GUCY1A2: variants seen among roughly 807,000 people sequenced by gnomAD.
The protein encoded by GUCY1A2 is guanylate cyclase 1 soluble subunit alpha 2.
GUCY1A2 carries 27 observed loss-of-function variants against 63.5 expected under a neutral mutation model. The observed-to-expected ratio is 0.43, with a 90% confidence interval of 0.31 to 0.59. The LOEUF (loss-of-function observed/expected upper bound fraction) is 0.59, where lower values mean the gene tolerates loss of function less well. GUCY1A2 is among the 20% of genes least tolerant of loss of function. GUCY1A2 has a pLI of 0.11. For synonymous variants in GUCY1A2, 364 were observed against 343.5 expected (o/e 1.06, Z -0.66); for missense variants, 768 against 913.3 (o/e 0.84, Z 2.05).
intron 4 of GUCY1A2, among the ~76,000 whole-genome samples, chr11:106,862,655 C>A (rs562192255): frequency 6.6e-6 from 1 of 151,924 alleles, no homozygotes; most frequent in South Asian, 2.1e-4. Context: ...TATACTGAAC[C>A]GTTTTTGCTA....
chr11:106,959,854 T>A lies in GUCY1A2; in HGVS notation c.487+18765A>T, dbSNP rs142150016. ...ATGTACTTACTACCTTTCATGAGAA[T>A]GACCCAAAAGGCAGAGCTGAGAACC... On this transcript the variant is annotated intron_variant, in intron 3 of 7. Transcript: ENST00000526355. Among the ~76,000 whole-genome samples the A allele has an allele frequency of 2.6e-5, 4 of 152,348 alleles. No individual in the cohort carries two copies. In the East Asian group the frequency reaches 7.7e-4, roughly 29 times the overall value.
intron 7 of GUCY1A2, among the ~76,000 whole-genome samples, chr11:106,703,324 A>G (rs1203148172): frequency 1.3e-5 from 2 of 152,166 alleles, no homozygotes; most frequent in African/African-American, 4.8e-5. Flanking sequence ...ACTAATACAC[A>G]TGGCAATGAT....
Position 106,833,164 on chromosome 11 carries a change from A to G in GUCY1A2, c.1207-22686T>C, listed in dbSNP as rs530470822. On this transcript the variant is annotated intron_variant, in intron 4 of 7. Transcript: ENST00000526355. ...AATATTTCCCTTTTTGTAAGGACAG[A>G]GGTCATACTGGATTAGGGCCCACCC... 4.5e-4 allele frequency among the ~76,000 whole-genome samples: 69 copies of G among 152,068 alleles called. 1 individual carries two copies. Among genetic ancestry groups the G allele is most frequent in the Non-Finnish European group, 7.4e-4 (50 of 67,992 alleles).
chr11:106,765,191 A>G (rs190762690), intron 6 of GUCY1A2, among the ~76,000 whole-genome samples: 1 of 151,868 alleles, frequency 6.6e-6, no homozygotes, highest in African/African-American at 2.4e-5. Flanking sequence ...GCTAACCCCT[A>G]CCACATAGTT....
chr11:106,933,317 T>G (rs918867740), intron 4 of GUCY1A2, among the ~76,000 whole-genome samples: 18 of 151,640 alleles, frequency 1.2e-4, no homozygotes, highest in Admixed American at 6.6e-5. Context: ...AAATAAAACA[T>G]AAAAACAGCC....
rs1033221922 is a variant in GUCY1A2, at chr11:106,919,824, A to G, written c.1206+19636T>C. Among the ~76,000 whole-genome samples, 3 of 152,316 alleles carry G rather than the reference A, an allele frequency of 2.0e-5. No individual in the cohort carries two copies. In the South Asian group the frequency reaches 6.2e-4, roughly 32 times the overall value. Reference sequence around the variant, plus strand: ...AGAATAACATGAGTTCACACTACAGAGAAGCCACATTTCATTTCTTAAAAT... The same window carrying G: ...AGAATAACATGAGTTCACACTACAGGGAAGCCACATTTCATTTCTTAAAAT... On this transcript the variant is annotated intron_variant, in intron 4 of 7. Transcript: ENST00000526355.
chr11:106,990,876 C>T (rs574983303), intron 1 of GUCY1A2, among the ~76,000 whole-genome samples: 2 of 152,306 alleles, frequency 1.3e-5, no homozygotes, highest in South Asian at 2.1e-4. Context: ...AAAAGCCACA[C>T]ACATAATTTA....
At chr11:106,747,331 A>G (rs1357300601) in intron 6 of GUCY1A2, among the ~76,000 whole-genome samples, 1 of 152,220 alleles carries the variant, frequency 6.6e-6, no homozygotes, top group Non-Finnish European at 1.5e-5. Flanking sequence ...GAAAAGTTAA[A>G]TAAATTTTTT....
rs368835813 is a variant in GUCY1A2 at position 106,911,638 on chromosome 11, T to C, written c.1206+27822A>G. On this transcript the variant is annotated intron_variant, in intron 4 of 7. Transcript: ENST00000526355. Reference sequence around the variant, plus strand: ...AAGGCCTGAGAGTTTCACAAAATGATACTAAGTTGTATGCACAGCACCTAA... The same window carrying C: ...AAGGCCTGAGAGTTTCACAAAATGACACTAAGTTGTATGCACAGCACCTAA... 3.7e-4 allele frequency among the ~76,000 whole-genome samples: 56 copies of C among 152,204 alleles called. 1 individual carries two copies. The South Asian group carries it at 5.6e-3, about 15-fold the overall frequency.
chr11:106,827,742 A>T (rs1186268177), intron 4 of GUCY1A2: 4 of 1,531,048 alleles, frequency 2.6e-6, no homozygotes, highest in Non-Finnish European at 3.6e-6. Flanking sequence ...GAAATTTGTA[A>T]CTGCTTTCAT....
intron 4 of GUCY1A2, among the ~76,000 whole-genome samples, chr11:106,885,052 T>C (rs1048427999): frequency 7.9e-5 from 12 of 152,142 alleles, no homozygotes; most frequent in Non-Finnish European, 2.9e-5. Flanking sequence ...CTAATCTGAA[T>C]GCCCCCTGGA....
intron 4 of GUCY1A2, among the ~76,000 whole-genome samples, chr11:106,907,508 A>C (rs1292878683): frequency 6.6e-6 from 1 of 151,658 alleles, no homozygotes; most frequent in Non-Finnish European, 1.5e-5. Context: ...GCACCCATTA[A>C]CTCGTCGTTT....
At chr11:107,010,962 T>C (rs575639903) in intron 1 of GUCY1A2, among the ~76,000 whole-genome samples, 3 of 152,278 alleles carry the variant, frequency 2.0e-5, no homozygotes, top group African/African-American at 7.2e-5. Context: ...ACTCCTGACC[T>C]CAGGCAATCC....
rs144444901 is a variant in GUCY1A2 at position 107,012,176 on chromosome 11, C to T, written c.303+5577G>A. Among the ~76,000 whole-genome samples, 184 of 151,812 alleles carry T rather than the reference C, an allele frequency of 1.2e-3. 1 individual carries two copies. The highest frequency in any genetic ancestry group is 4.0e-3 in the African/African-American group (165 of 41,458). On this transcript the variant is annotated intron_variant, in intron 1 of 7. Transcript: ENST00000526355. ...TGTCTGTGTACACACATGAGTCATA[C>T]CCAGGGGCCAAAAAGGGACTCCAGT...
chr11:106,746,621 A>G (rs1223302446), intron 6 of GUCY1A2: 16 of 1,595,232 alleles, frequency 1.0e-5, no homozygotes, highest in African/African-American at 1.3e-5. Context: ...AGGAAAGGAG[A>G]AAAGGAGTTC....
intron 4 of GUCY1A2, among the ~76,000 whole-genome samples, chr11:106,929,840 CTT>C (rs1860577302): frequency 6.6e-6 from 1 of 152,064 alleles, no homozygotes. Flanking sequence ...GAAACAAAAA[CTT>C]TATCTAATTT....
At chr11:106,728,862 A>T (rs1472734653) in intron 6 of GUCY1A2, among the ~76,000 whole-genome samples, 1 of 152,186 alleles carries the variant, frequency 6.6e-6, no homozygotes, top group African/African-American at 2.4e-5. Flanking sequence ...ATGTTTAAAC[A>T]ATCACAAAAT....
chr11:106,787,856 G>T (rs1344937175), intron 5 of GUCY1A2, among the ~76,000 whole-genome samples: 1 of 151,952 alleles, frequency 6.6e-6, no homozygotes, highest in African/African-American at 2.4e-5. Flanking sequence ...GGGAGTGCAG[G>T]TATCTCTTCC....
intron 6 of GUCY1A2, among the ~76,000 whole-genome samples, chr11:106,733,527 T>C (rs1863538078): frequency 6.6e-6 from 1 of 152,192 alleles, no homozygotes; most frequent in Admixed American, 6.5e-5. Flanking sequence ...TTAAAGATCA[T>C]ATATAAAGTA....
Sources: allele counts gnomAD v4.1 joint callset (sites outside exome capture counted in the v4.1 genomes callset), GRCh38; gene constraint gnomAD v4.1.1; transcripts MANE v1.5; gene names NCBI Gene and HGNC (gene_info 2026-07-23, HGNC 2026-07-21).